Variants in MAPKAPK2 observed in about 807,000 individuals in gnomAD.
MAPKAPK2 encodes MAP kinase-activated protein kinase 2.
In MAPKAPK2, 9 loss-of-function variants were observed where a neutral mutation model predicts 48.8. That is an observed-to-expected ratio of 0.18 (90% CI 0.11 to 0.32). The LOEUF (loss-of-function observed/expected upper bound fraction) is 0.32, where lower values mean the gene tolerates loss of function less well. MAPKAPK2 is among the 10% of genes least tolerant of loss of function. The probability of loss-of-function intolerance (pLI) is 1.00; values close to 1 mark genes in which losing one functional copy is unlikely to be tolerated. For synonymous variants in MAPKAPK2, 202 were observed against 190.6 expected (o/e 1.06, Z -0.49); for missense variants, 331 against 498.3 (o/e 0.66, Z 3.20).
chr1:206,696,468 A>T (rs188443996), intron 1 of MAPKAPK2, among the ~76,000 whole-genome samples: 1 of 152,272 alleles, frequency 6.6e-6, no homozygotes, highest in East Asian at 1.9e-4. Flanking sequence ...CTTTGGAAGG[A>T]CAAGTGGGAG....
chr1:206,712,962 T>TCACA (rs58379967), intron 1 of MAPKAPK2, among the ~76,000 whole-genome samples: 6,747 of 112,198 alleles, frequency 0.06, 308 homozygotes, highest in African/African-American at 0.079. Flanking sequence ...TGAGACTCCA[T>TCACA]CACACACACA....
intron 1 of MAPKAPK2, among the ~76,000 whole-genome samples, chr1:206,690,656 CA>C (rs1553426128): frequency 6.6e-6 from 1 of 152,136 alleles, no homozygotes; most frequent in Admixed American, 6.5e-5. Flanking sequence ...CTGCTGGAGG[CA>C]AACTTAATCC....
intron 1 of MAPKAPK2, among the ~76,000 whole-genome samples, chr1:206,719,961 T>G (rs1673462670): frequency 6.6e-6 from 1 of 152,252 alleles, no homozygotes; most frequent in Non-Finnish European, 1.5e-5. Context: ...ACGGGGCTTA[T>G]TTGTCATGTT....
chr1:206,689,006 G>A (rs1044833487), intron 1 of MAPKAPK2, among the ~76,000 whole-genome samples: 3 of 152,120 alleles, frequency 2.0e-5, no homozygotes, highest in Non-Finnish European at 4.4e-5. Context: ...CCCCGGGAGG[G>A]TTCCTCAGCT....
At chr1:206,715,343 T>C (rs1673292159) in intron 1 of MAPKAPK2, among the ~76,000 whole-genome samples, 1 of 152,192 alleles carries the variant, frequency 6.6e-6, no homozygotes, top group Admixed American at 6.5e-5. Context: ...TTGTTGTGTT[T>C]AGTGAGCGCA....
intron 3 of MAPKAPK2, 81 bp downstream of exon 3, chr1:206,729,180 T>G (rs1673815313): frequency 6.9e-7 from 1 of 1,456,184 alleles, no homozygotes. Flanking sequence ...GTGCCTGCTC[T>G]TGGGGAAGGG....
chr1:206,703,000 A>G (rs1672847775), intron 1 of MAPKAPK2, among the ~76,000 whole-genome samples: 1 of 152,186 alleles, frequency 6.6e-6, no homozygotes, highest in Admixed American at 6.5e-5. Flanking sequence ...CACTCAAATT[A>G]CAGCCCCCTG....
intron 1 of MAPKAPK2, among the ~76,000 whole-genome samples, chr1:206,708,925 T>C (rs1673049790): frequency 1.3e-5 from 2 of 152,202 alleles, no homozygotes; most frequent in African/African-American, 4.8e-5. Context: ...CATGTATCAG[T>C]AGTTTGTTAT....
At chr1:206,698,057 C>G (rs1432807698) in intron 1 of MAPKAPK2, among the ~76,000 whole-genome samples, 1 of 152,246 alleles carries the variant, frequency 6.6e-6, no homozygotes, top group Admixed American at 6.5e-5. Flanking sequence ...GGCCTGGGTC[C>G]CAGGGAGCCT....
At chr1:206,730,211 C>T in intron 5 of MAPKAPK2, 113 bp downstream of exon 5, 1 of 1,304,210 alleles carries the variant, frequency 7.7e-7, no homozygotes. Context: ...TGTATGGCCC[C>T]TTCTGGTGCT....
chr1:206,702,996 A>T (rs554372812), intron 1 of MAPKAPK2, among the ~76,000 whole-genome samples: 1 of 152,312 alleles, frequency 6.6e-6, no homozygotes, highest in East Asian at 1.9e-4. Flanking sequence ...TATGCACTCA[A>T]ATTACAGCCC....
chr1:206,693,065 G>A lies in MAPKAPK2; in HGVS notation c.279+7557G>A, dbSNP rs531396810. On this transcript the variant is annotated intron_variant, in intron 1 of 9. Transcript: ENST00000367103. Reference sequence around the variant, plus strand: ...GCCGACTCCTCCACTTTCGTCCTCCGGCGGGGCTCCTTATCCTCCTGCTTG... The same window carrying A: ...GCCGACTCCTCCACTTTCGTCCTCCAGCGGGGCTCCTTATCCTCCTGCTTG... Among the ~76,000 whole-genome samples the A allele has an allele frequency of 5.3e-5, 8 of 152,258 alleles. No individual in the cohort carries two copies. In the East Asian group the frequency reaches 1.3e-3, roughly 26 times the overall value.
intron 1 of MAPKAPK2, among the ~76,000 whole-genome samples, chr1:206,719,440 A>G (rs1553430915): frequency 6.6e-6 from 1 of 152,236 alleles, no homozygotes; most frequent in Non-Finnish European, 1.5e-5. Context: ...ATATTAATGA[A>G]CATTAATAAC....
chr1:206,706,408 C>T (rs1572492346), intron 1 of MAPKAPK2, among the ~76,000 whole-genome samples: 2 of 152,130 alleles, frequency 1.3e-5, no homozygotes, highest in African/African-American at 4.8e-5. Context: ...GTTATCCCGA[C>T]CACCCTGCAG....
chr1:206,723,964 G>A (rs782678027), intron 1 of MAPKAPK2, among the ~76,000 whole-genome samples: 3 of 152,250 alleles, frequency 2.0e-5, no homozygotes, highest in Admixed American at 1.3e-4. Context: ...CCTTTTCTAC[G>A]TGTAAGAGAA....
chr1:206,724,491 C>G (rs897206795), intron 1 of MAPKAPK2, among the ~76,000 whole-genome samples: 1 of 151,984 alleles, frequency 6.6e-6, no homozygotes, highest in Non-Finnish European at 1.5e-5. Flanking sequence ...GGTTGATTTT[C>G]TTATCCAGTC....
At chr1:206,729,011 G>T in intron 2 of MAPKAPK2, 24 bp from the exon 3 acceptor site, 1 of 1,614,012 alleles carries the variant, frequency 6.2e-7, no homozygotes, top group Non-Finnish European at 8.5e-7. Flanking sequence ...GTGTTCTCTG[G>T]ATCTCACTGT....
intron 1 of MAPKAPK2, among the ~76,000 whole-genome samples, chr1:206,723,406 G>A (rs1553431478): frequency 1.3e-5 from 2 of 152,130 alleles, no homozygotes; most frequent in South Asian, 2.1e-4. Flanking sequence ...AACTCATCTT[G>A]TATAGCAAGC....
intron 1 of MAPKAPK2, among the ~76,000 whole-genome samples, chr1:206,703,627 G>A (rs879972267): frequency 6.6e-6 from 1 of 152,202 alleles, no homozygotes; most frequent in Admixed American, 6.5e-5. Flanking sequence ...ATCCTAAGGT[G>A]ATGCAGCACA....
Sources: gnomAD v4.1 joint callset for allele counts (sites outside exome capture counted in the v4.1 genomes callset) on GRCh38, gnomAD v4.1.1 for gene constraint, MANE v1.5 for transcripts, NCBI Gene and HGNC (gene_info 2026-07-23, HGNC 2026-07-21) for gene names.